Variants in ERBIN observed in about 807,000 individuals in gnomAD.
ERBIN encodes erbb2 interacting protein.
Under a neutral mutation model 158.4 loss-of-function variants are expected in ERBIN, and 60 were observed. The observed-to-expected ratio is 0.38, with a 90% CI of 0.31 to 0.47. The LOEUF is 0.47. ERBIN is among the 20% of genes least tolerant of loss of function. ERBIN has a pLI of 0.99. For synonymous variants in ERBIN, 594 were observed against 557.2 expected, an observed-to-expected ratio of 1.07 and a Z score of -0.93; for missense variants, 1,610 against 1,648.0, an observed-to-expected ratio of 0.98 and a Z score of 0.40.
At chr5:65,983,790 C>A (rs1303236603) in intron 1 of ERBIN, among the ~76,000 whole-genome samples, 3 of 152,064 alleles carry the variant, frequency 2.0e-5, no homozygotes, top group African/African-American at 7.2e-5. Flanking sequence ...CTCAGGGCAC[C>A]CCCCCCAACT....
intron 1 of ERBIN, among the ~76,000 whole-genome samples, chr5:65,955,945 T>C (rs1195059355): frequency 6.6e-6 from 1 of 152,248 alleles, no homozygotes; most frequent in East Asian, 1.9e-4. Context: ...GTTTACCATA[T>C]CTATATATGA....
chr5:66,059,333 CTGTT>C lies in ERBIN; in HGVS notation c.3633+4386_3633+4389del, dbSNP rs537098244. 1.1e-3 allele frequency among the ~76,000 whole-genome samples: 162 copies of C among 152,110 alleles called. 1 individual carries two copies. Among genetic ancestry groups the C allele is most frequent in the African/African-American group, 3.7e-3 (155 of 41,426 alleles). On this transcript the variant is annotated intron_variant, in intron 21 of 25. Transcript: ENST00000284037. ...GGGAGTTCACTCATGATTTGGCTCT[CTGTT>C]TGTCTGTTATTGGTGTATAAGGATG... is the stretch of plus-strand genomic sequence containing the variant.
chr5:66,045,417 A>G (rs531763420), intron 17 of ERBIN, among the ~76,000 whole-genome samples: 7 of 146,072 alleles, frequency 4.8e-5, no homozygotes, highest in African/African-American at 1.9e-4. Flanking sequence ...TATAGCCTAT[A>G]TGTAATATAG....
chr5:66,075,270 T>A, intron 23 of ERBIN, 40 bp downstream of exon 23: 1 of 1,423,666 alleles, frequency 7.0e-7, no homozygotes, highest in Non-Finnish European at 9.9e-7. Flanking sequence ...GGGACTAAGC[T>A]TTTTATGTAT....
intron 4 of ERBIN, among the ~76,000 whole-genome samples, chr5:66,007,875 G>C (rs1753793084): frequency 6.6e-6 from 1 of 152,154 alleles, no homozygotes; most frequent in African/African-American, 2.4e-5. Flanking sequence ...TAAGGAGGGA[G>C]GTGGGAACTG....
chr5:65,958,384 G>A (rs912035200), intron 1 of ERBIN, among the ~76,000 whole-genome samples: 20 of 137,626 alleles, frequency 1.5e-4, no homozygotes, highest in African/African-American at 5.4e-4. Flanking sequence ...CTCGGGAGGC[G>A]GAGGCTGGCA....
intron 1 of ERBIN, among the ~76,000 whole-genome samples, chr5:65,948,844 G>A (rs906790820): frequency 1.4e-5 from 2 of 145,168 alleles, no homozygotes; most frequent in African/African-American, 5.2e-5. Flanking sequence ...GCTCGCTGCA[G>A]CCTCCACCTC....
rs1759007934 is a variant in ERBIN, at chr5:66,051,418, A to G, written c.2087+452A>G. ...GAGAGAGATAAATGTTAATTTGTAT[A>G]GCCTGGAATTTAGCTGAAGTCTAAA... On this transcript the variant is annotated intron_variant, in intron 20 of 25. Coordinates refer to ENST00000284037, the MANE Select transcript of ERBIN (RefSeq NM_001253697.2). Among the ~76,000 whole-genome samples, 4 of 152,344 alleles carry G rather than the reference A, an allele frequency of 2.6e-5. No homozygotes were observed. In the South Asian group the frequency reaches 8.3e-4, roughly 32 times the overall value.
At chr5:66,014,474 C>G (rs929033784) in intron 6 of ERBIN, among the ~76,000 whole-genome samples, 195 bp from the exon 7 acceptor site, 1 of 152,132 alleles carries the variant, frequency 6.6e-6, no homozygotes, top group Non-Finnish European at 1.5e-5. Flanking sequence ...AACCCTTTTC[C>G]TCTGACCACA....
At chr5:66,068,349 G>A (rs1228176449) in intron 21 of ERBIN, among the ~76,000 whole-genome samples, 2 of 151,896 alleles carry the variant, frequency 1.3e-5, no homozygotes, top group Admixed American at 1.3e-4. Context: ...AATTTTTGAA[G>A]TGGTATTTTT....
intron 1 of ERBIN, among the ~76,000 whole-genome samples, chr5:65,954,955 C>T (rs779020139): frequency 1.3e-5 from 2 of 151,992 alleles, no homozygotes; most frequent in Non-Finnish European, 2.9e-5. Flanking sequence ...ATCCCAGCTA[C>T]TCAGGAGGCT....
chr5:65,948,789 A>G (rs1746138170), intron 1 of ERBIN, among the ~76,000 whole-genome samples: 1 of 119,438 alleles, frequency 8.4e-6, no homozygotes, highest in Non-Finnish European at 1.7e-5. Flanking sequence ...TTTGAGACAG[A>G]GTCTCCCTCT....
rs191359802 is a variant in ERBIN at position 65,954,135 on chromosome 5, T to G, written c.-58+27329T>G. ...GATGTGTGGAGGGAATCAGCTTGTC[T>G]TTGATTGAGACGATATATTAAAAGC... On this transcript the variant is annotated intron_variant, in intron 1 of 25. Coordinates refer to ENST00000284037, the MANE Select transcript of ERBIN (RefSeq NM_001253697.2). Among the ~76,000 whole-genome samples, 20 of 152,300 alleles carry G rather than the reference T, an allele frequency of 1.3e-4. No individual in the cohort carries two copies. In the East Asian group the frequency reaches 3.9e-3, roughly 29 times the overall value.
intron 1 of ERBIN, among the ~76,000 whole-genome samples, chr5:65,939,859 C>A (rs1174379935): frequency 6.6e-6 from 1 of 151,816 alleles, no homozygotes; most frequent in East Asian, 1.9e-4. Flanking sequence ...CTCAATGGTG[C>A]CCAGGCTGGA....
chr5:66,060,791 G>T (rs185739484), intron 21 of ERBIN, among the ~76,000 whole-genome samples: 4 of 151,926 alleles, frequency 2.6e-5, no homozygotes, highest in Admixed American at 6.6e-5. Flanking sequence ...CCTTCATTTC[G>T]TTAGGTACCC....
At chr5:66,005,577 G>A (rs1753495242) in intron 4 of ERBIN, among the ~76,000 whole-genome samples, 1 of 152,176 alleles carries the variant, frequency 6.6e-6, no homozygotes, top group Non-Finnish European at 1.5e-5. Flanking sequence ...GGAAATAAAG[G>A]GTATTCAGTT....
At chr5:65,991,834 A>T (rs1462257766) in intron 2 of ERBIN, among the ~76,000 whole-genome samples, 1 of 152,230 alleles carries the variant, frequency 6.6e-6, no homozygotes, top group Non-Finnish European at 1.5e-5. Flanking sequence ...CCTTAAACAC[A>T]TTTAAGACAT....
In ERBIN at chr5:66,018,527, T is replaced by TTATATATTA. The variant is rs1554058825; in HGVS notation, c.534-2790_534-2789insATTATATAT. On this transcript the variant is annotated intron_variant, in intron 7 of 25. Transcript: ENST00000284037. ...TATATTATATATTATATAATATATA[T>TTATATATTA]TATATTATATAATATATATTATATA... Among the ~76,000 whole-genome samples, 7 of 4,568 alleles carry TTATATATTA rather than the reference T, an allele frequency of 1.5e-3. 3 individuals carry two copies. The highest frequency in any genetic ancestry group is 3.2e-3 in the Non-Finnish European group (7 of 2,222). The allele number at this position is 4,568 out of a possible 152,430, so 3.0% of individuals were successfully genotyped here. A position where few individuals can be genotyped will look rare whatever the true frequency, so the allele number is the denominator to read the frequency against.
chr5:65,985,205 C>T (rs1433077412), intron 1 of ERBIN, among the ~76,000 whole-genome samples: 15 of 152,166 alleles, frequency 9.9e-5, no homozygotes, highest in Non-Finnish European at 1.9e-4. Context: ...GCAATTCTCT[C>T]GCCTCAGCCT....
Sources: gnomAD v4.1 joint callset for allele counts (sites outside exome capture counted in the v4.1 genomes callset) on GRCh38, gnomAD v4.1.1 for gene constraint, MANE v1.5 for transcripts, NCBI Gene and HGNC (gene_info 2026-07-23, HGNC 2026-07-21) for gene names.